The following TRIM66 variants were observed in gnomAD, a reference collection of about 807,000 sequenced individuals.
TRIM66 encodes tripartite motif containing 66, also known as tripartite motif-containing protein 66.
In TRIM66, 99 loss-of-function variants were observed where a neutral mutation model predicts 148.2. That is an observed-to-expected ratio of 0.67 (90% confidence interval 0.57 to 0.79). The LOEUF (loss-of-function observed/expected upper bound fraction) is 0.79, where lower values mean the gene tolerates loss of function less well. Among genes scored for constraint, TRIM66 ranks in the 30% least tolerant of loss-of-function variants. TRIM66 has a pLI of 0.00. For synonymous variants in TRIM66, 616 were observed against 635.9 expected (o/e 0.97, Z 0.47); for missense variants, 1,666 against 1,697.9 (o/e 0.98, Z 0.33).
chr11:8,648,303 G>A, intron 9 of TRIM66, 113 bp downstream of exon 9: 1 of 1,459,530 alleles, frequency 6.9e-7, no homozygotes, highest in African/African-American at 1.4e-5. Flanking sequence ...CCCAGGGGCT[G>A]CAGGTTGGCT....
At chr11:8,679,265 ATG>A (rs1284671002) in intron 3 of TRIM66, 1 of 152,266 alleles carries the variant, frequency 6.6e-6, no homozygotes, top group African/African-American at 2.4e-5. Context: ...TGTTTAAGTC[ATG>A]TGGTTGCCTT....
chr11:8,618,806 G>A lies in TRIM66; in HGVS notation c.4063C>T (p.Pro1355Ser). 1 of 1,551,362 alleles carries A rather than the reference G, an allele frequency of 6.4e-7. No homozygotes were observed. The highest frequency in any genetic ancestry group is 8.7e-7 in the Non-Finnish European group (1 of 1,146,944). ...ESGCSTPQGF[P>S]WPPYMQEGIQ... ...CCCTCCTGCATGTAGGGAGGCCACG[G>A]GAAGCCCTGGGGAGTGGAACATCCA... is the stretch of plus-strand genomic sequence containing the variant. The change falls in exon 24 of 25, where the codon CCG (proline) becomes TCG (serine). Residue 1355 changes from proline (P) to serine (S), a missense_variant. Pro to Ser is a moderately conservative substitution (Grantham distance 74, BLOSUM62 -1). This residue lies in a region of TRIM66 where 204 missense variants were observed against 231.0 expected (regional missense o/e 0.88). Coordinates refer to ENST00000646038, the MANE Select transcript of TRIM66 (RefSeq NM_001388022.1).
intron 8 of TRIM66, among the ~76,000 whole-genome samples, chr11:8,649,240 G>A (rs1337044610): frequency 3.3e-5 from 5 of 152,192 alleles, no homozygotes; most frequent in African/African-American, 1.2e-4. Context: ...TTGGGAGGCT[G>A]AAGCAGGAGA....
intron 20 of TRIM66, 105 bp downstream of exon 20, chr11:8,620,927 G>C (rs549686574): frequency 7.8e-6 from 11 of 1,412,092 alleles, no homozygotes; most frequent in South Asian, 1.5e-5. Flanking sequence ...GTCCAGAAGA[G>C]GGGAGTAAGC....
chr11:8,637,790 G>A (rs1308011047), intron 15 of TRIM66, among the ~76,000 whole-genome samples: 1 of 152,124 alleles, frequency 6.6e-6, no homozygotes, highest in Non-Finnish European at 1.5e-5. Context: ...CTGGAGAGCT[G>A]AGGGCACCAG....
chr11:8,682,684 C>A, upstream of TRIM66: 2 of 1,073,554 alleles, frequency 1.9e-6, no homozygotes, highest in Non-Finnish European at 2.9e-6. Context: ...GGCGCGCAAT[C>A]CCGCGAGACC....
At position 8,620,474 on chromosome 11, in the gene TRIM66, G is replaced by A. The variant is rs2034099697; in HGVS notation, c.3644C>T (p.Ser1215Phe). The change falls in exon 21 of 25, where the codon TCT (serine) becomes TTT (phenylalanine). Residue 1215 changes from serine (S) to phenylalanine (F), a missense_variant. This residue lies in a region of TRIM66 where 204 missense variants were observed against 231.0 expected (regional missense o/e 0.88). Coordinates refer to ENST00000646038, the MANE Select transcript of TRIM66 (RefSeq NM_001388022.1). ...CTGGTCATACATGCTTAGGCCAGGA[G>A]ATGCCCGCATTCCAGGCTGGTTATA... is the stretch of plus-strand genomic sequence containing the variant. ...ACYNQPGMRA[S>F]PGLSMYDQKK... The A allele has an allele frequency of 6.4e-7, 1 of 1,551,682 alleles. No individual in the cohort carries two copies. Among genetic ancestry groups the A allele is most frequent in the African/African-American group, 1.4e-5 (1 of 73,062 alleles).
chr11:8,619,616 T>A, intron 22 of TRIM66, 81 bp from the exon 23 acceptor site: 1 of 1,306,256 alleles, frequency 7.7e-7, no homozygotes, highest in Non-Finnish European at 1.0e-6. Context: ...GAAGAAGAAA[T>A]GGAAAATGAG....
chr11:8,671,500 T>A (rs2038928574), intron 6 of TRIM66, among the ~76,000 whole-genome samples: 1 of 152,212 alleles, frequency 6.6e-6, no homozygotes, highest in Non-Finnish European at 1.5e-5. Context: ...ATCCTCTCCG[T>A]CTGGGGAGGC....
intron 15 of TRIM66, among the ~76,000 whole-genome samples, chr11:8,632,865 G>A (rs1458928220): frequency 1.3e-5 from 2 of 152,200 alleles, no homozygotes; most frequent in African/African-American, 4.8e-5. Flanking sequence ...CACTATGGAT[G>A]TAACTATGCA....
intron 15 of TRIM66, among the ~76,000 whole-genome samples, chr11:8,631,359 C>A (rs1256622786): frequency 6.6e-6 from 1 of 152,210 alleles, no homozygotes; most frequent in Admixed American, 6.5e-5. Flanking sequence ...TGGTGTTCCA[C>A]ATAAATTAAC....
At position 8,640,677 on chromosome 11, in the gene TRIM66, T is replaced by C. The variant is rs1332287801; in HGVS notation, c.1698A>G (p.Gln566=). ...GTAAGGTGGGCTGGGCATGGGCTCC[T>C]TGCTGAACATCCTGTGGGGGGACAA... ...VCIVPPQDVQ[Q]GAHAQPTLQT... is the part of the protein sequence containing the mutation. The change falls in exon 14 of 25, where the codon CAA becomes CAG. Residue 566 remains glutamine, a synonymous_variant. Transcript: ENST00000646038. 6.4e-7 allele frequency: 1 copy of C among 1,551,620 alleles called. No homozygotes were observed. Among genetic ancestry groups the C allele is most frequent in the Admixed American group, 2.0e-5 (1 of 51,002 alleles).
intron 22 of TRIM66, among the ~76,000 whole-genome samples, 200 bp downstream of exon 22, chr11:8,619,850 C>T (rs2034035807): frequency 6.6e-6 from 1 of 152,256 alleles, no homozygotes; most frequent in African/African-American, 2.4e-5. Flanking sequence ...TGGCCATGCT[C>T]TGAGCCCAAC....
intron 6 of TRIM66, among the ~76,000 whole-genome samples, chr11:8,660,714 G>A (rs986198741): frequency 3.9e-5 from 6 of 152,138 alleles, no homozygotes; most frequent in African/African-American, 7.2e-5. Context: ...TTCTGATTAC[G>A]GGGATTTTGC....
intron 3 of TRIM66, among the ~76,000 whole-genome samples, chr11:8,675,731 AATT>A (rs201522586): frequency 0.035 from 5,253 of 151,164 alleles, 121 homozygotes; most frequent in East Asian, 0.085. Context: ...TTATTTTTTT[AATT>A]ATTATTTATT....
chr11:8,682,846 C>G (rs375898901), upstream of TRIM66: 38 of 1,607,208 alleles, frequency 2.4e-5, no homozygotes, highest in Admixed American at 1.0e-4. Context: ...CCTCCTCTTC[C>G]TTGCCGGCGG....
At chr11:8,625,359 T>C in intron 15 of TRIM66, 131 bp from the exon 16 acceptor site, 2 of 962,248 alleles carry the variant, frequency 2.1e-6, no homozygotes, top group Non-Finnish European at 2.9e-6. Flanking sequence ...TAGCTGCTGG[T>C]AGCTGCCAGG....
At chr11:8,661,545 G>C (rs1443932825) in intron 6 of TRIM66, among the ~76,000 whole-genome samples, 2 of 152,180 alleles carry the variant, frequency 1.3e-5, no homozygotes, top group African/African-American at 4.8e-5. Flanking sequence ...TGGAGACAGA[G>C]AGTCATTTGG....
At chr11:8,682,740 G>T, upstream of TRIM66, 4 of 1,603,216 alleles carry the variant, frequency 2.5e-6, no homozygotes, top group Non-Finnish European at 3.4e-6. Context: ...GAAGTGAGGC[G>T]TTTTGCCCCG....
Sources: gnomAD v4.1 joint callset for allele counts (sites outside exome capture counted in the v4.1 genomes callset) on GRCh38, gnomAD v4.1.1 for gene constraint, gnomAD v4.1.1 regional missense constraint, MANE v1.5 for transcripts, NCBI Gene and HGNC (gene_info 2026-07-23, HGNC 2026-07-21) for gene names.